PDCL: variants seen among roughly 807,000 people sequenced by gnomAD.
PDCL encodes the protein phosducin-like protein.
A neutral mutation model predicts 26.7 loss-of-function variants in PDCL; 11 were observed. The observed-to-expected ratio is 0.41, with a 90% CI of 0.26 to 0.68. The LOEUF (loss-of-function observed/expected upper bound fraction) is 0.68. Among genes scored for constraint, PDCL ranks in the 30% least tolerant of loss-of-function variants. PDCL has a pLI of 0.30. For synonymous variants in PDCL, 118 were observed against 134.9 expected (o/e 0.87, Z 0.87); for missense variants, 330 against 371.6 (o/e 0.89, Z 0.92).
intron 3 of PDCL, among the ~76,000 whole-genome samples, chr9:122,822,201 C>T (rs1183255121): frequency 6.6e-6 from 1 of 152,140 alleles, no homozygotes; most frequent in South Asian, 2.1e-4. Flanking sequence ...CACAGACATT[C>T]GTCCACACTC....
chr9:122,827,655 C>T (rs888352932), intron 1 of PDCL, among the ~76,000 whole-genome samples: 8 of 152,086 alleles, frequency 5.3e-5, no homozygotes, highest in African/African-American at 1.7e-4. Context: ...TCTCTTGAAT[C>T]CGGGAGGCGG....
chr9:122,820,364 G>A lies in PDCL; in HGVS notation c.627C>T (p.Tyr209=). ...TCACCTTGCAGAACTTGACAGCTGG[G>A]TACTCTGCGGCAAGGCAGATCATGC... ...NGCMICLAAE[Y]PAVKFCKVKS... The change falls in exon 4 of 4, where the codon TAC becomes TAT. Residue 209 remains tyrosine (Y), a synonymous_variant. Transcript: ENST00000259467. 1 of 1,614,152 alleles carries A rather than the reference G, an allele frequency of 6.2e-7. No homozygotes were observed. The highest frequency in any genetic ancestry group is 8.5e-7 in the Non-Finnish European group (1 of 1,180,028).
chr9:122,820,096 C>A lies in PDCL; in HGVS notation c.895G>T (p.Glu299Ter). 1 of 1,601,462 alleles carries A rather than the reference C, an allele frequency of 6.2e-7. No homozygotes were observed. Among genetic ancestry groups the A allele is most frequent in the South Asian group, 1.1e-5 (1 of 89,256 alleles). The change falls in exon 4 of 4, where the codon GAA (glutamate) becomes TAA (stop). Residue 299 changes from glutamate to a stop codon, truncating the protein, a stop_gained. Transcript: ENST00000259467. LOFTEE classifies it high-confidence loss of function. ...ACTAGACTATCAGTTCAATCTATTTCCAGGTCGCTATCCTCACTGTGACAC... is the reference window on the plus strand; with the variant it reads ...ACTAGACTATCAGTTCAATCTATTTACAGGTCGCTATCCTCACTGTGACAC... Reference protein sequence around the residue: ...ATCHSEDSDLEID With the variant: ...ATCHSEDSDL
chr9:122,820,442 G>C lies in PDCL; in HGVS notation c.549C>G (p.Ile183Met), dbSNP rs770587268. 1 of 1,614,096 alleles carries C rather than the reference G, an allele frequency of 6.2e-7. No homozygotes were observed. The highest frequency in any genetic ancestry group is 8.5e-7 in the Non-Finnish European group (1 of 1,180,004). Residue 183 changes from isoleucine to methionine, a missense_variant, in exon 4 of 4, where the codon ATC (isoleucine) becomes ATG (methionine). Transcript: ENST00000259467. Reference protein sequence around the residue: ...MIDKEQKSIVIMVHIYEDGIP... With the variant: ...MIDKEQKSIVMMVHIYEDGIP... Reference sequence around the variant, plus strand: ...TGCCATCCTCATAAATATGAACCATGATGACAATGCTTTTCTGTTCTTTAT... The same window carrying C: ...TGCCATCCTCATAAATATGAACCATCATGACAATGCTTTTCTGTTCTTTAT...
chr9:122,823,061 C>A lies in PDCL; in HGVS notation c.309G>T (p.Glu103Asp). Residue 103 changes from glutamate to aspartate, a missense_variant, in exon 3 of 4, where the codon GAG becomes GAT. By Grantham distance (45) the Glu-to-Asp change is conservative. Coordinates refer to ENST00000259467, the MANE Select transcript of PDCL (RefSeq NM_005388.5). ...MTCRSHLDEE[E>D]EQQKQKDLQE... Reference sequence around the variant, plus strand: ...GGAGGTCTTTCTGTTTCTGTTGCTCCTCCTCTTCATCCAGATGGGACCTGC... The same window carrying A: ...GGAGGTCTTTCTGTTTCTGTTGCTCATCCTCTTCATCCAGATGGGACCTGC... 1.2e-6 allele frequency: 2 copies of A among 1,614,162 alleles called. No homozygotes were observed. Among genetic ancestry groups the A allele is most frequent in the Non-Finnish European group, 1.7e-6 (2 of 1,180,028 alleles).
chr9:122,825,075 G>A (rs1286393105), intron 2 of PDCL, among the ~76,000 whole-genome samples: 3 of 151,948 alleles, frequency 2.0e-5, no homozygotes, highest in East Asian at 1.9e-4. Flanking sequence ...GAGCCCTACT[G>A]CACCCTGCAT....
chr9:122,823,214 C>A lies in PDCL; in HGVS notation c.173-17G>T. The A allele has an allele frequency of 6.2e-7, 1 of 1,612,948 alleles. No individual in the cohort carries two copies. Among genetic ancestry groups the A allele is most frequent in the South Asian group, 1.1e-5 (1 of 91,050 alleles). ...CTTTTGGGCCTGAGTAGGGTGAACA[C>A]GGATGTGACCAAGGAGAATGGGCAG... On this transcript the variant is annotated splice_polypyrimidine_tract_variant and intron_variant, in intron 2 of 3. Transcript: ENST00000259467.
At position 122,818,230 on chromosome 9, in the gene PDCL, T is replaced by G. The variant is rs1829509381; in HGVS notation, c.*1855A>C. 6.6e-6 allele frequency: 1 copy of G among 152,226 alleles called. No homozygotes were observed. The highest frequency in any genetic ancestry group is 1.5e-5 in the Non-Finnish European group (1 of 68,060). The allele number at this position is 152,226 out of a possible 1,614,324, so 9.4% of individuals were successfully genotyped here. A position where few individuals can be genotyped will look rare whatever the true frequency, so the allele number is the denominator to read the frequency against. ...TTGCAGTGAGCCGAGATCACGCTAT[T>G]GTACTCCAGCCTGGGTGACAGAGCG... On this transcript the variant is annotated 3_prime_UTR_variant, in exon 4 of 4. Transcript: ENST00000259467.
chr9:122,826,116 C>CA (rs1317387088), intron 2 of PDCL, among the ~76,000 whole-genome samples: 3 of 151,414 alleles, frequency 2.0e-5, no homozygotes, highest in Admixed American at 6.6e-5. Flanking sequence ...CAAAACAAAA[C>CA]AAAAAAAAGG....
rs1168590193 is a variant in PDCL, at chr9:122,822,534, T to G, written c.354+482A>C. On this transcript the variant is annotated intron_variant, in intron 3 of 3. Coordinates refer to ENST00000259467, the MANE Select transcript of PDCL (RefSeq NM_005388.5). ...CAACATCATGGAAGAAACAGGAGTATTTGGGTTAGAACCCTAGCGCCTACT... is the reference window on the plus strand; with the variant it reads ...CAACATCATGGAAGAAACAGGAGTAGTTGGGTTAGAACCCTAGCGCCTACT... 3.3e-5 allele frequency among the ~76,000 whole-genome samples: 5 copies of G among 152,234 alleles called. No homozygotes were observed. In the South Asian group the frequency reaches 1.0e-3, roughly 31 times the overall value.
At chr9:122,825,731 T>G (rs1316086522) in intron 2 of PDCL, among the ~76,000 whole-genome samples, 1 of 152,022 alleles carries the variant, frequency 6.6e-6, no homozygotes, top group African/African-American at 2.4e-5. Flanking sequence ...GCAAAGGATA[T>G]AAAAATCTCT....
At chr9:122,821,213 G>C (rs1249931957) in intron 3 of PDCL, among the ~76,000 whole-genome samples, 1 of 152,012 alleles carries the variant, frequency 6.6e-6, no homozygotes, top group African/African-American at 2.4e-5. Context: ...ACTCAAACTA[G>C]ATTTTAAAAA....
chr9:122,825,550 ATAAAAT>A (rs747835083), intron 2 of PDCL, among the ~76,000 whole-genome samples: 45 of 152,212 alleles, frequency 3.0e-4, no homozygotes, highest in Non-Finnish European at 5.9e-4. Flanking sequence ...TTAAGAAACT[ATAAAAT>A]ACTTTTAAGT....
At position 122,820,644 on chromosome 9, in the gene PDCL, C is replaced by T. The variant is rs201127288; in HGVS notation, c.355-8G>A. 2.3e-3 allele frequency: 3,651 copies of T among 1,592,798 alleles called. 10 individuals carry two copies. Among genetic ancestry groups the T allele is most frequent in the Non-Finnish European group, 3.0e-3 (3,499 of 1,170,846 alleles). On this transcript the variant is annotated splice_region_variant and splice_polypyrimidine_tract_variant and intron_variant, in intron 3 of 3. Coordinates refer to ENST00000259467, the MANE Select transcript of PDCL (RefSeq NM_005388.5). Reference sequence around the variant, plus strand: ...AAACTCCTTCAGAGTCATCTGCAGGCGGACCAGCAAGTGAGCATAAATATG... The same window carrying T: ...AAACTCCTTCAGAGTCATCTGCAGGTGGACCAGCAAGTGAGCATAAATATG...
intron 3 of PDCL, 104 bp downstream of exon 3, chr9:122,822,912 C>T: frequency 9.4e-7 from 1 of 1,063,358 alleles, no homozygotes; most frequent in South Asian, 1.4e-5. Flanking sequence ...CTGCACTGCA[C>T]AACTTCTTGG....
chr9:122,828,577 AAG>A lies in PDCL; in HGVS notation c.-114_-113del, dbSNP rs1202360830. On this transcript the variant is annotated 5_prime_UTR_variant, in exon 1 of 4. Transcript: ENST00000259467. ...CAGTGGGTCAGCGCCCTGAGCGCTA[AAG>A]AGAAAAGCCGCCGAAGCCCGACAGC... is the stretch of plus-strand genomic sequence containing the variant. 2.0e-5 allele frequency: 3 copies of A among 152,186 alleles called. No individual in the cohort carries two copies. The highest frequency in any genetic ancestry group is 4.4e-5 in the Non-Finnish European group (3 of 68,066). 9.4% of individuals were successfully genotyped at this position (152,186 alleles called of 1,614,324 possible).
chr9:122,821,824 G>A (rs1829557228), intron 3 of PDCL, among the ~76,000 whole-genome samples: 1 of 152,092 alleles, frequency 6.6e-6, no homozygotes, highest in African/African-American at 2.4e-5. Context: ...TCTTACCCCT[G>A]CCCCGGTGCA....
At chr9:122,822,481 T>A (rs980817048) in intron 3 of PDCL, among the ~76,000 whole-genome samples, 10 of 151,960 alleles carry the variant, frequency 6.6e-5, no homozygotes, top group African/African-American at 2.2e-4. Flanking sequence ...TAGAATAAAT[T>A]CTCATGAATA....
rs1479677911 is a variant in PDCL, at chr9:122,819,760, A to C, written c.*325T>G. 4.7e-6 allele frequency: 1 copy of C among 214,866 alleles called. No individual in the cohort carries two copies. The highest frequency in any genetic ancestry group is 2.3e-5 in the African/African-American group (1 of 43,306). 13.3% of individuals were successfully genotyped at this position (214,866 alleles called of 1,614,324 possible). ...CTCTCAGACTTGGCAGAGACCTCTA[A>C]GATCATCTGAAGACAATTTCCAAGA... On this transcript the variant is annotated 3_prime_UTR_variant, in exon 4 of 4. Transcript: ENST00000259467.
Sources: allele counts gnomAD v4.1 joint callset (sites outside exome capture counted in the v4.1 genomes callset), GRCh38; gene constraint gnomAD v4.1.1; transcripts MANE v1.5; gene names NCBI Gene and HGNC (gene_info 2026-07-23, HGNC 2026-07-21).